The following FN1 variants were observed in gnomAD, a reference collection of about 807,000 sequenced individuals.
The protein encoded by FN1 is fibronectin.
Under a neutral mutation model 297.3 loss-of-function variants are expected in FN1, and 106 were observed. The ratio of observed to expected loss-of-function variants is 0.36; its 90% CI spans 0.30 to 0.42. The LOEUF (loss-of-function observed/expected upper bound fraction) is 0.42. FN1 is among the 10% of genes least tolerant of loss of function. FN1 has a pLI of 1.00. For missense variants in FN1, 2,690 were observed against 3,124.9 expected, an observed-to-expected ratio of 0.86 and a Z score of 3.32; for synonymous variants, 1,149 against 1,152.6, an observed-to-expected ratio of 1.00 and a Z score of 0.06.
chr2:215,405,836 G>A (rs2061705501), intron 19 of FN1, among the ~76,000 whole-genome samples: 1 of 152,110 alleles, frequency 6.6e-6, no homozygotes, highest in Non-Finnish European at 1.5e-5. Context: ...TAAAAACTGA[G>A]CAGATAAGCT....
At chr2:215,426,416 G>A (rs2065440021) in intron 6 of FN1, among the ~76,000 whole-genome samples, 1 of 151,790 alleles carries the variant, frequency 6.6e-6, no homozygotes, top group African/African-American at 2.4e-5. Flanking sequence ...CCAAAGTGCT[G>A]GGATTACAGG....
intron 25 of FN1, 117 bp downstream of exon 25, chr2:215,392,814 T>C (rs1434999558): frequency 1.7e-6 from 2 of 1,155,568 alleles, no homozygotes; most frequent in South Asian, 1.2e-5. Context: ...ATCCACCCTA[T>C]CTGAATCTTT....
intron 44 of FN1, chr2:215,364,663 T>A: frequency 1.7e-6 from 1 of 596,788 alleles, no homozygotes; most frequent in Non-Finnish European, 3.0e-6. Flanking sequence ...CATTCATTCA[T>A]TCTTTCTACT....
At chr2:215,389,872 G>T (rs1039871141) in intron 26 of FN1, among the ~76,000 whole-genome samples, 5 of 152,212 alleles carry the variant, frequency 3.3e-5, no homozygotes, top group Admixed American at 1.3e-4. Flanking sequence ...ATGTGGTCTA[G>T]CCTATTGCTC....
chr2:215,430,618 A>C, intron 5 of FN1, 97 bp downstream of exon 5: 1 of 1,398,858 alleles, frequency 7.1e-7, no homozygotes, highest in Non-Finnish European at 1.0e-6. Context: ...ATGCTGATAT[A>C]CTGGATGTGT....
At chr2:215,375,175 G>A (rs774128796) in intron 38 of FN1, 39 bp downstream of exon 38, 1 of 1,592,566 alleles carries the variant, frequency 6.3e-7, no homozygotes, top group African/African-American at 1.3e-5. Flanking sequence ...TGTGTCCTAG[G>A]TAGTAAGAAG....
At chr2:215,421,268 A>T (rs2064299871) in intron 10 of FN1, 1 of 246,158 alleles carries the variant, frequency 4.1e-6, no homozygotes, top group African/African-American at 2.3e-5. Flanking sequence ...GATTTGGGAA[A>T]TAAAATGTCA....
At chr2:215,420,326 G>A (rs976521834) in intron 11 of FN1, among the ~76,000 whole-genome samples, 1 of 147,824 alleles carries the variant, frequency 6.8e-6, no homozygotes, top group Non-Finnish European at 1.5e-5. Flanking sequence ...CAACAAGAGC[G>A]AAACTCTCTC....
At chr2:215,391,920 A>T (rs369777992) in intron 25 of FN1, 106 bp from the exon 26 acceptor site, 1 of 925,774 alleles carries the variant, frequency 1.1e-6, no homozygotes, top group East Asian at 2.5e-5. Flanking sequence ...AGGAAACAGA[A>T]TCATAATCAT....
At position 215,435,818 on chromosome 2, in the gene FN1, G is replaced by C; in HGVS notation, c.-16C>G. 2 of 1,532,344 alleles carry C rather than the reference G, an allele frequency of 1.3e-6. No homozygotes were observed. Among genetic ancestry groups the C allele is most frequent in the Non-Finnish European group, 8.8e-7 (1 of 1,141,924 alleles). The allele number at this position is 1,532,344 out of a possible 1,614,324, so 94.9% of individuals were successfully genotyped here. A position where few individuals can be genotyped will look rare whatever the true frequency, so the allele number is the denominator to read the frequency against. On this transcript the variant is annotated 5_prime_UTR_variant, in exon 1 of 46. Coordinates refer to ENST00000354785, the MANE Select transcript of FN1 (RefSeq NM_212482.4). ...CCCTAAGCATGTTGAGACGGTGGGG[G>C]AGAGACGCCCGCACCGGGAGGCAAG...
Position 215,406,519 on chromosome 2 carries a change from C to T in FN1, c.2714-9G>A. ...GGGAGAGGGCACTGTATCTGACAGACAAGAGTCAACTGGTCATTCACATTC... is the reference window on the plus strand; with the variant it reads ...GGGAGAGGGCACTGTATCTGACAGATAAGAGTCAACTGGTCATTCACATTC... On this transcript the variant is annotated splice_polypyrimidine_tract_variant and intron_variant, in intron 18 of 45. Transcript: ENST00000354785. 1 of 1,613,280 alleles carries T rather than the reference C, an allele frequency of 6.2e-7. No individual in the cohort carries two copies.
chr2:215,406,318 G>A lies in FN1; in HGVS notation c.2906C>T (p.Pro969Leu). 1 of 1,614,168 alleles carries A rather than the reference G, an allele frequency of 6.2e-7. No individual in the cohort carries two copies. The highest frequency in any genetic ancestry group is 8.5e-7 in the Non-Finnish European group (1 of 1,180,024). The change falls in exon 19 of 46, where the codon CCT becomes CTT. Residue 969 changes from proline to leucine, a missense_variant. Physicochemically the swap from Pro to Leu is moderately conservative, Grantham distance 98. This residue lies in a region of FN1 where 1,743 missense variants were observed against 1,945.2 expected (regional missense o/e 0.90). Coordinates refer to ENST00000354785, the MANE Select transcript of FN1 (RefSeq NM_212482.4). ...GACTTTGAAGTAATAGGTGACCCCA[G>A]GGGACAGCCCGGTGACTTCTGCAAA... ...NTFAEVTGLS[P>L]GVTYYFKVFA...
Position 215,435,909 on chromosome 2 carries a change from T to G in FN1, c.-107A>C. On this transcript the variant is annotated 5_prime_UTR_variant, in exon 1 of 46. Transcript: ENST00000354785. ...ATCCCTTCTAATGCCTCCCGGGGGT[T>G]GTCGCCTCCAAGAAGGTGGGGGCCA... 1 of 1,453,062 alleles carries G rather than the reference T, an allele frequency of 6.9e-7. No individual in the cohort carries two copies. The highest frequency in any genetic ancestry group is 9.1e-7 in the Non-Finnish European group (1 of 1,103,752). 90.0% of individuals were successfully genotyped at this position (1,453,062 alleles called of 1,614,324 possible). A position where few individuals can be genotyped will look rare whatever the true frequency, so the allele number is the denominator to read the frequency against.
Position 215,406,498 on chromosome 2 carries a change from G to C in FN1, c.2726C>G (p.Ser909Cys). Residue 909 changes from serine (S) to cysteine (C), a missense_variant, in exon 19 of 46, where the codon TCT (serine) becomes TGT (cysteine). By Grantham distance (112) the Ser-to-Cys change is moderately radical. Coordinates refer to ENST00000354785, the MANE Select transcript of FN1 (RefSeq NM_212482.4). ...TTCCACAAACTGCAGGTCCCTGGGAGAGGGCACTGTATCTGACAGACAAGA... is the reference window on the plus strand; with the variant it reads ...TTCCACAAACTGCAGGTCCCTGGGACAGGGCACTGTATCTGACAGACAAGA... ...TGTPRSDTVP[S>C]PRDLQFVEVT... is the part of the protein sequence containing the mutation. 4 of 1,614,006 alleles carry C rather than the reference G, an allele frequency of 2.5e-6. No individual in the cohort carries two copies. The highest frequency in any genetic ancestry group is 3.4e-6 in the Non-Finnish European group (4 of 1,180,016).
chr2:215,373,349 C>T lies in FN1; in HGVS notation c.6220G>A (p.Glu2074Lys), dbSNP rs1179757867. 11 of 1,613,416 alleles carry T rather than the reference C, an allele frequency of 6.8e-6. No homozygotes were observed. The highest frequency in any genetic ancestry group is 4.0e-5 in the African/African-American group (3 of 74,890). Residue 2074 changes from glutamate to lysine, a missense_variant, in exon 39 of 46, where the codon GAG becomes AAG. Transcript: ENST00000354785. The stretch of plus-strand genomic sequence containing the variant: ...GTCTTTTTCCTTCCAATCAGGGGCT[C>T]GCTCTTCTGATTATTCTTCAGGGCA... ...VIALKNNQKS[E>K]PLIGRKKTDE...
chr2:215,366,000 T>C (rs2054533666), intron 42 of FN1, among the ~76,000 whole-genome samples: 1 of 140,582 alleles, frequency 7.1e-6, no homozygotes, highest in African/African-American at 2.6e-5. Flanking sequence ...GTATTTTTTG[T>C]AGAGATGGGG....
In FN1 at chr2:215,420,725, C is replaced by G. The variant is rs1391154762; in HGVS notation, c.1623G>C (p.Leu541=). ...FHKRHEEGHM[L]NCTCFGQGRG... ...GACCCTGACCGAAGCATGTACAGTT[C>G]AGCATGTGCCCCTCTTCATGACGCT... The change falls in exon 11 of 46, where the codon CTG becomes CTC. Residue 541 remains leucine, a synonymous_variant. Transcript: ENST00000354785. 1.2e-6 allele frequency: 2 copies of G among 1,614,156 alleles called. No individual in the cohort carries two copies. Among genetic ancestry groups the G allele is most frequent in the Non-Finnish European group, 1.7e-6 (2 of 1,180,010 alleles).
chr2:215,409,762 A>G, intron 14 of FN1, 23 bp from the exon 15 acceptor site: 1 of 1,613,690 alleles, frequency 6.2e-7, no homozygotes, highest in Non-Finnish European at 8.5e-7. Context: ...AGAAAGGGGA[A>G]AGTCAGCCTT....
At position 215,381,039 on chromosome 2, in the gene FN1, C is replaced by T; in HGVS notation, c.5206G>A (p.Val1736Ile). 1.2e-6 allele frequency: 2 copies of T among 1,614,196 alleles called. No individual in the cohort carries two copies. The highest frequency in any genetic ancestry group is 1.7e-6 in the Non-Finnish European group (2 of 1,180,008). The change falls in exon 33 of 46, where the codon GTC becomes ATC. Residue 1736 changes from valine to isoleucine, a missense_variant. Coordinates refer to ENST00000354785, the MANE Select transcript of FN1 (RefSeq NM_212482.4). Reference sequence around the variant, plus strand: ...TCCCAAGCAATTTTGATGGAATCGACATCCACATCAGTGAATGCCAGTCCT... The same window carrying T: ...TCCCAAGCAATTTTGATGGAATCGATATCCACATCAGTGAATGCCAGTCCT... ...PKGLAFTDVDVDSIKIAWESP... is the reference protein window; with the variant it reads ...PKGLAFTDVDIDSIKIAWESP...
Sources: gnomAD v4.1 joint callset for allele counts (sites outside exome capture counted in the v4.1 genomes callset) on GRCh38, gnomAD v4.1.1 for gene constraint, gnomAD v4.1.1 regional missense constraint, MANE v1.5 for transcripts, NCBI Gene and HGNC (gene_info 2026-07-23, HGNC 2026-07-21) for gene names.